YIPF5: variants seen among roughly 807,000 people sequenced by gnomAD.
YIPF5 encodes Yip1 domain family member 5.
Under a neutral mutation model 30.4 loss-of-function variants are expected in YIPF5, and 8 were observed. That is an observed-to-expected ratio of 0.26 (90% CI 0.15 to 0.47). The LOEUF (loss-of-function observed/expected upper bound fraction) is 0.47, where lower values mean the gene tolerates loss of function less well. YIPF5 is among the 20% of genes least tolerant of loss of function. YIPF5 has a pLI of 0.99. For missense variants in YIPF5, 282 were observed against 301.8 expected, an observed-to-expected ratio of 0.93 and a Z score of 0.49; for synonymous variants, 104 against 107.9, an observed-to-expected ratio of 0.96 and a Z score of 0.23.
intron 5 of YIPF5, among the ~76,000 whole-genome samples, chr5:144,161,755 T>C (rs1161939882): frequency 6.6e-6 from 1 of 152,222 alleles, no homozygotes; most frequent in East Asian, 1.9e-4. Context: ...TAACAGCCTC[T>C]TATCATAAAA....
intron 4 of YIPF5, among the ~76,000 whole-genome samples, chr5:144,163,430 T>C (rs933014576): frequency 4.6e-5 from 7 of 152,292 alleles, no homozygotes; most frequent in African/African-American, 1.7e-4. Flanking sequence ...ACCTTCAAAA[T>C]AATCTTGCTA....
intron 2 of YIPF5, among the ~76,000 whole-genome samples, chr5:144,166,823 A>G (rs1322790701): frequency 6.6e-6 from 1 of 152,190 alleles, no homozygotes; most frequent in Non-Finnish European, 1.5e-5. Context: ...GATAATTCTT[A>G]CTGCTTCCTC....
rs553495344 is a variant in YIPF5 at position 144,169,223 on chromosome 5, C to A, written c.110+623G>T. ...AGTTCATGTATTTTTGTCACAAACACCAGGTACTATAAAAAGATCATTTAA... is the reference window on the plus strand; with the variant it reads ...AGTTCATGTATTTTTGTCACAAACAACAGGTACTATAAAAAGATCATTTAA... On this transcript the variant is annotated intron_variant, in intron 2 of 5. Coordinates refer to ENST00000274496, the MANE Select transcript of YIPF5 (RefSeq NM_030799.9). Among the ~76,000 whole-genome samples the A allele has an allele frequency of 3.3e-5, 5 of 152,146 alleles. No homozygotes were observed. In the East Asian group the frequency reaches 5.8e-4, roughly 18 times the overall value.
At chr5:144,165,693 C>T in intron 2 of YIPF5, 89 bp from the exon 3 acceptor site, 1 of 1,335,684 alleles carries the variant, frequency 7.5e-7, no homozygotes, top group Admixed American at 2.2e-5. Context: ...CATGTGACAG[C>T]TAAAGAACCT....
Position 144,170,453 on chromosome 5 carries a change from C to T in YIPF5, c.-11+82G>A, listed in dbSNP as rs935738232. The T allele has an allele frequency of 7.3e-5, 12 of 163,348 alleles. 1 individual carries two copies. Among genetic ancestry groups the T allele is most frequent in the South Asian group, 4.6e-4 (3 of 6,508 alleles). 10.1% of individuals were successfully genotyped at this position (163,348 alleles called of 1,614,324 possible). A position where few individuals can be genotyped will look rare whatever the true frequency, so the allele number is the denominator to read the frequency against. On this transcript the variant is annotated intron_variant, in intron 1 of 5. Coordinates refer to ENST00000274496, the MANE Select transcript of YIPF5 (RefSeq NM_030799.9). ...GGGTCTGAGCGAAAGGACCAGGGCG[C>T]GGCGCCGAAAGACGGCAACAAGCCC...
intron 1 of YIPF5, chr5:144,170,176 CAACTCCACCTTAAAGAGCTGAT>C: frequency 1.8e-6 from 1 of 549,598 alleles, no homozygotes; most frequent in Admixed American, 3.1e-5. Flanking sequence ...CCCAGTAAGA[CAACTCCACCTTAAAGAGCTGAT>C]ATGCCTTCCA....
chr5:144,166,901 A>G (rs1752217831), intron 2 of YIPF5, among the ~76,000 whole-genome samples: 1 of 152,190 alleles, frequency 6.6e-6, no homozygotes, highest in South Asian at 2.1e-4. Flanking sequence ...GATGAATAAT[A>G]TGATGACTAC....
In YIPF5 at chr5:144,160,568, A is replaced by G. The variant is rs761465775; in HGVS notation, c.612-9T>C. ...TGATTCCTACCATTCCTCTGTAAAC[A>G]ACAAGGAAAAAGGGGGGAGAAGAAA... On this transcript the variant is annotated splice_polypyrimidine_tract_variant and intron_variant, in intron 5 of 5. Coordinates refer to ENST00000274496, the MANE Select transcript of YIPF5 (RefSeq NM_030799.9). 2 of 1,604,100 alleles carry G rather than the reference A, an allele frequency of 1.2e-6. No individual in the cohort carries two copies. Among genetic ancestry groups the G allele is most frequent in the Non-Finnish European group, 1.7e-6 (2 of 1,175,424 alleles).
At chr5:144,162,943 G>C (rs4263530) in intron 4 of YIPF5, among the ~76,000 whole-genome samples, 45,561 of 152,006 alleles carry the variant, frequency 0.3, 8,010 homozygotes, top group African/African-American at 0.49. Flanking sequence ...GTTCTGTGAG[G>C]AACAGAGAAG....
intron 4 of YIPF5, 64 bp from the exon 5 acceptor site, chr5:144,162,463 C>T: frequency 1.4e-6 from 2 of 1,416,470 alleles, no homozygotes. Context: ...CTTATTTCAC[C>T]TGAATCAGTA....
chr5:144,164,177 G>C lies in YIPF5; in HGVS notation c.363C>G (p.Ile121Met), dbSNP rs1158713580. 5 of 1,613,584 alleles carry C rather than the reference G, an allele frequency of 3.1e-6. No homozygotes were observed. The African/African-American group carries it at 6.7e-5, about 22-fold the overall frequency. Residue 121 changes from isoleucine (I) to methionine (M), a missense_variant, in exon 4 of 6, where the codon ATC becomes ATG. Coordinates refer to ENST00000274496, the MANE Select transcript of YIPF5 (RefSeq NM_030799.9). Reference protein sequence around the residue: ...LHPLKVADGSIMNETDLAGPM... With the variant: ...LHPLKVADGSMMNETDLAGPM... ...GACCTGCCAAATCAGTTTCATTCATGATGCTGCCATCTGCTACTTTTAACG... is the reference window on the plus strand; with the variant it reads ...GACCTGCCAAATCAGTTTCATTCATCATGCTGCCATCTGCTACTTTTAACG...
chr5:144,165,653 C>T, intron 2 of YIPF5, 49 bp from the exon 3 acceptor site: 1 of 1,560,256 alleles, frequency 6.4e-7, no homozygotes, highest in Non-Finnish European at 8.8e-7. Flanking sequence ...CAACTCTGTA[C>T]AGTTAATATC....
At chr5:144,163,522 G>T (rs1311031929) in intron 4 of YIPF5, among the ~76,000 whole-genome samples, 1 of 152,174 alleles carries the variant, frequency 6.6e-6, no homozygotes, top group Non-Finnish European at 1.5e-5. Flanking sequence ...GGAGCACTCA[G>T]TTCAAGCCCA....
chr5:144,159,353 AT>A lies in YIPF5; in HGVS notation c.*1043del, dbSNP rs1379757198. The A allele has an allele frequency of 1.0e-6, 1 of 983,012 alleles. No homozygotes were observed. Among genetic ancestry groups the A allele is most frequent in the African/African-American group, 1.7e-5 (1 of 57,158 alleles). 60.9% of individuals were successfully genotyped at this position (983,012 alleles called of 1,614,324 possible). On this transcript the variant is annotated 3_prime_UTR_variant, in exon 6 of 6. Coordinates refer to ENST00000274496, the MANE Select transcript of YIPF5 (RefSeq NM_030799.9). ...TATTGAATTTTGTAAAACTTTAAAT[AT>A]TTTCCTTAAAAAAGGTTAGTGATTT...
At chr5:144,170,094 C>T (rs908158489) in intron 1 of YIPF5, 129 bp from the exon 2 acceptor site, 4 of 679,124 alleles carry the variant, frequency 5.9e-6, no homozygotes, top group Non-Finnish European at 7.7e-6. Flanking sequence ...GGGATGGGGG[C>T]GGAAAGTACG....
intron 1 of YIPF5, 56 bp from the exon 2 acceptor site, chr5:144,170,021 G>C: frequency 7.1e-7 from 1 of 1,399,996 alleles, no homozygotes; most frequent in Non-Finnish European, 1.0e-6. Flanking sequence ...TACTGAATTC[G>C]TTCCTGGCAG....
At chr5:144,169,085 A>G (rs1038136721) in intron 2 of YIPF5, among the ~76,000 whole-genome samples, 6 of 152,228 alleles carry the variant, frequency 3.9e-5, no homozygotes, top group Admixed American at 1.3e-4. Flanking sequence ...AAAAAGTTTA[A>G]GCAATCCTAG....
chr5:144,162,737 G>C (rs1396872699), intron 4 of YIPF5, among the ~76,000 whole-genome samples: 1 of 152,140 alleles, frequency 6.6e-6, no homozygotes, highest in Non-Finnish European at 1.5e-5. Flanking sequence ...CTAGAGACAA[G>C]ATGGAAAGCC....
In YIPF5 at chr5:144,165,565, A is replaced by C. The variant is rs776416076; in HGVS notation, c.150T>G (p.Phe50Leu). The change falls in exon 3 of 6, where the codon TTT becomes TTG. Residue 50 changes from phenylalanine (F) to leucine (L), a missense_variant. By Grantham distance (22) the Phe-to-Leu change is conservative. Coordinates refer to ENST00000274496, the MANE Select transcript of YIPF5 (RefSeq NM_030799.9). The part of the protein sequence containing the change: ...AGYDYSQQGR[F>L]VPPDMMQPQQ... ...GTGGCTGCATCATGTCTGGAGGGAC[A>C]AATCTGCCTTGCTGCGAATAGTCAT... 4 of 1,614,070 alleles carry C rather than the reference A, an allele frequency of 2.5e-6. No individual in the cohort carries two copies. The African/African-American group carries it at 4.0e-5, about 16-fold the overall frequency.
Sources: gnomAD v4.1 joint callset for allele counts (sites outside exome capture counted in the v4.1 genomes callset) on GRCh38, gnomAD v4.1.1 for gene constraint, MANE v1.5 for transcripts, NCBI Gene and HGNC (gene_info 2026-07-23, HGNC 2026-07-21) for gene names.